Variants in ISM1 observed in about 807,000 individuals in gnomAD.
ISM1 encodes isthmin 1, also known as isthmin-1.
Under a neutral mutation model 46.3 loss-of-function variants are expected in ISM1, and 25 were observed. That is an observed-to-expected ratio of 0.54 (90% confidence interval 0.39 to 0.75). The LOEUF is 0.75. Ranked by LOEUF, ISM1 falls within the 30% of genes least tolerant of loss-of-function variation. ISM1 has a pLI of 0.00. For missense variants in ISM1, 536 were observed against 625.4 expected (o/e 0.86, Z 1.52); for synonymous variants, 255 against 256.7 (o/e 0.99, Z 0.06).
downstream of ISM1, among the ~76,000 whole-genome samples, chr20:13,301,362 T>C (rs934763910): frequency 2.6e-5 from 4 of 152,150 alleles, no homozygotes; most frequent in Non-Finnish European, 5.9e-5. Flanking sequence ...CTAACTCTTG[T>C]ATTTTTAGGA....
chr20:13,265,876 C>T (rs755044462), intron 1 of ISM1, among the ~76,000 whole-genome samples: 1 of 152,116 alleles, frequency 6.6e-6, no homozygotes, highest in Non-Finnish European at 1.5e-5. Context: ...CCAGGACCAG[C>T]GTGATAGCTC....
At chr20:13,307,437 T>C in the ISM1 span, among the ~76,000 whole-genome samples, 1 of 152,180 alleles carries the variant, frequency 6.6e-6, no homozygotes, top group African/African-American at 2.4e-5. Flanking sequence ...AGGAGCTCTC[T>C]GGGGCTACAG....
intron 1 of ISM1, among the ~76,000 whole-genome samples, chr20:13,266,142 T>C (rs2040040716): frequency 6.6e-6 from 1 of 152,132 alleles, no homozygotes; most frequent in South Asian, 2.1e-4. Flanking sequence ...TCAGATGAAG[T>C]GGATGCTGGG....
intron 1 of ISM1, among the ~76,000 whole-genome samples, chr20:13,222,987 A>T (rs1390728728): frequency 1.3e-5 from 2 of 151,980 alleles, no homozygotes; most frequent in African/African-American, 2.4e-5. Flanking sequence ...ACATGGTGAA[A>T]CCCCGTCTCT....
chr20:13,286,729 T>A (rs2040297482), intron 3 of ISM1, among the ~76,000 whole-genome samples: 1 of 152,176 alleles, frequency 6.6e-6, no homozygotes. Context: ...GCCTGAGGCA[T>A]GTTCAGAGTG....
At chr20:13,302,566 C>G (rs1259059509), downstream of ISM1, among the ~76,000 whole-genome samples, 1 of 152,208 alleles carries the variant, frequency 6.6e-6, no homozygotes, top group African/African-American at 2.4e-5. Flanking sequence ...ATCATCTGCT[C>G]AAGGGCCAGC....
intron 3 of ISM1, among the ~76,000 whole-genome samples, chr20:13,281,009 A>AT (rs1194980639): frequency 2.0e-5 from 3 of 152,238 alleles, no homozygotes; most frequent in Non-Finnish European, 4.4e-5. Flanking sequence ...CTTAATCCCC[A>AT]TTTTTCAACA....
chr20:13,273,084 T>C lies in ISM1; in HGVS notation c.378+2341T>C, dbSNP rs146890699. Among the ~76,000 whole-genome samples the C allele has an allele frequency of 3.9e-5, 6 of 152,274 alleles. 1 individual carries two copies. The highest frequency in any genetic ancestry group is 8.8e-5 in the Non-Finnish European group (6 of 68,014). ...AAGGCTGCCGGGGACTGTTCCTTCA[T>C]TGGAAAGTTATTGGCTGCTTTGTGC... is the stretch of plus-strand genomic sequence containing the variant. On this transcript the variant is annotated intron_variant, in intron 2 of 5. Coordinates refer to ENST00000262487, the MANE Select transcript of ISM1 (RefSeq NM_080826.2).
intron 1 of ISM1, among the ~76,000 whole-genome samples, chr20:13,270,207 C>T (rs1180313943): frequency 6.6e-6 from 1 of 152,184 alleles, no homozygotes; most frequent in East Asian, 1.9e-4. Flanking sequence ...AAATGAACAC[C>T]TGTTCTTCCT....
chr20:13,227,571 C>T (rs113850564), intron 1 of ISM1, among the ~76,000 whole-genome samples: 9,904 of 147,686 alleles, frequency 0.067, 460 homozygotes, highest in Middle Eastern at 0.14. Context: ...TGCAGTGGCG[C>T]GATCTTGGCT....
intron 1 of ISM1, among the ~76,000 whole-genome samples, chr20:13,242,448 G>A (rs2039737215): frequency 6.6e-6 from 1 of 152,200 alleles, no homozygotes; most frequent in Non-Finnish European, 1.5e-5. Context: ...GGAGAAGGTT[G>A]AGGGGATGTT....
chr20:13,226,580 A>G (rs1236327065), intron 1 of ISM1, among the ~76,000 whole-genome samples: 1 of 152,122 alleles, frequency 6.6e-6, no homozygotes, highest in Non-Finnish European at 1.5e-5. Flanking sequence ...ATTTCACCTG[A>G]TATTACTCAT....
chr20:13,278,302 C>T (rs1175000869), intron 2 of ISM1, among the ~76,000 whole-genome samples: 1 of 152,200 alleles, frequency 6.6e-6, no homozygotes, highest in African/African-American at 2.4e-5. Context: ...CTAGCTTTGG[C>T]TCCAGGACTA....
At chr20:13,222,401 AT>A (rs1446371873) in intron 1 of ISM1, among the ~76,000 whole-genome samples, 6 of 152,060 alleles carry the variant, frequency 3.9e-5, no homozygotes, top group African/African-American at 9.6e-5. Flanking sequence ...TCAGGACATA[AT>A]TTCCCAAGGA....
chr20:13,233,430 T>C (rs1217378080), intron 1 of ISM1, among the ~76,000 whole-genome samples: 1 of 151,838 alleles, frequency 6.6e-6, no homozygotes, highest in East Asian at 1.9e-4. Flanking sequence ...ACCCCATCTC[T>C]ACTGACAATA....
chr20:13,228,369 A>G (rs1298487293), intron 1 of ISM1, among the ~76,000 whole-genome samples: 3 of 152,208 alleles, frequency 2.0e-5, no homozygotes, highest in Non-Finnish European at 4.4e-5. Context: ...TATAAACTCT[A>G]TAAGAACCTA....
intron 1 of ISM1, among the ~76,000 whole-genome samples, chr20:13,225,171 C>T (rs2039508023): frequency 6.6e-6 from 1 of 152,036 alleles, no homozygotes; most frequent in Non-Finnish European, 1.5e-5. Flanking sequence ...CTTTCTTAAT[C>T]CTCACAAAAA....
At chr20:13,307,903 T>G in the ISM1 span, among the ~76,000 whole-genome samples, 1 of 152,170 alleles carries the variant, frequency 6.6e-6, no homozygotes, top group South Asian at 2.1e-4. Context: ...GTCCAGGGTG[T>G]GCTTTTGGGT....
At chr20:13,270,331 T>C (rs950479225) in intron 1 of ISM1, among the ~76,000 whole-genome samples, 173 bp from the exon 2 acceptor site, 2 of 152,222 alleles carry the variant, frequency 1.3e-5, no homozygotes, top group African/African-American at 4.8e-5. Context: ...TGATCTGGCT[T>C]TTAAGACATG....
Sources: gnomAD v4.1 joint callset for allele counts (sites outside exome capture counted in the v4.1 genomes callset) on GRCh38, gnomAD v4.1.1 for gene constraint, MANE v1.5 for transcripts, NCBI Gene and HGNC (gene_info 2026-07-23, HGNC 2026-07-21) for gene names.